Variants in TBC1D23 observed in about 807,000 individuals in gnomAD.
The protein encoded by TBC1D23 is HCV non-structural protein 4A-transactivated protein 1.
A neutral mutation model predicts 91.4 loss-of-function variants in TBC1D23; 55 were observed. That is an observed-to-expected ratio of 0.60 (90% CI 0.48 to 0.75). The LOEUF is 0.75. TBC1D23 is among the 30% of genes least tolerant of loss of function. The pLI, the probability that TBC1D23 is intolerant of heterozygous loss-of-function variation, is 0.00. For synonymous variants in TBC1D23, 289 were observed against 281.0 expected (o/e 1.03, Z -0.28); for missense variants, 725 against 836.1 (o/e 0.87, Z 1.64).
chr3:100,302,134 T>C lies in TBC1D23; in HGVS notation c.1160T>C (p.Ile387Thr). The C allele has an allele frequency of 6.2e-6, 10 of 1,614,044 alleles. No homozygotes were observed. The highest frequency in any genetic ancestry group is 1.1e-5 in the South Asian group (1 of 91,074). Residue 387 changes from isoleucine (I) to threonine (T), a missense_variant, in exon 11 of 19, where the codon ATT becomes ACT. Transcript: ENST00000394144. ...TTGCTGGAAGCACAGAAGCAGTCCATTGAGTCTGGCTCCATAGCTGGTGGG... is the reference window on the plus strand; with the variant it reads ...TTGCTGGAAGCACAGAAGCAGTCCACTGAGTCTGGCTCCATAGCTGGTGGG... ...KSLLEAQKQS[I>T]ESGSIAGGEH...
Position 100,297,952 on chromosome 3 carries a change from G to T in TBC1D23, c.906G>T (p.Leu302Phe), listed in dbSNP as rs1400777867. 6.2e-7 allele frequency: 1 copy of T among 1,611,502 alleles called. No homozygotes were observed. The change falls in exon 9 of 19, where the codon TTG becomes TTT. Residue 302 changes from leucine to phenylalanine, a missense_variant. Transcript: ENST00000394144. Reference protein sequence around the residue: ...KDNHHLFGSTLLGIKDDDADL... With the variant: ...KDNHHLFGSTFLGIKDDDADL... The stretch of plus-strand genomic sequence containing the variant: ...ATCACCATCTCTTTGGTAGTACTTT[G>T]TTGGGAATTAAGGATGATGATGCAG...
chr3:100,278,848 G>A (rs2067672209), intron 1 of TBC1D23, among the ~76,000 whole-genome samples: 1 of 152,144 alleles, frequency 6.6e-6, no homozygotes, highest in South Asian at 2.1e-4. Flanking sequence ...ACTTGATGAT[G>A]TGATATTATT....
intron 10 of TBC1D23, 83 bp downstream of exon 10, chr3:100,299,414 G>T: frequency 1.3e-6 from 1 of 763,072 alleles, no homozygotes; most frequent in South Asian, 2.0e-5. Flanking sequence ...CCCAGATTGG[G>T]GAATTTTTTT....
In TBC1D23 at chr3:100,302,051, T is replaced by A. The variant is rs1705443233; in HGVS notation, c.1093-16T>A. ...CACAGGCTTGTCAAGTTTTTAACTTTAAAAAAATTGTCTAGATGCTTCAGA... is the reference window on the plus strand; with the variant it reads ...CACAGGCTTGTCAAGTTTTTAACTTAAAAAAAATTGTCTAGATGCTTCAGA... On this transcript the variant is annotated splice_polypyrimidine_tract_variant and intron_variant, in intron 10 of 18. Coordinates refer to ENST00000394144, the MANE Select transcript of TBC1D23 (RefSeq NM_001199198.3). 6.4e-7 allele frequency: 1 copy of A among 1,574,446 alleles called. No individual in the cohort carries two copies. Among genetic ancestry groups the A allele is most frequent in the Non-Finnish European group, 8.6e-7 (1 of 1,166,146 alleles).
At chr3:100,298,644 A>C (rs1051592876) in intron 9 of TBC1D23, among the ~76,000 whole-genome samples, 17 of 152,266 alleles carry the variant, frequency 1.1e-4, no homozygotes, top group Middle Eastern at 3.4e-3. Flanking sequence ...TCTTAGTTGG[A>C]TTTCTTACTG....
At chr3:100,292,967 A>G (rs951028519) in intron 5 of TBC1D23, among the ~76,000 whole-genome samples, 1 of 152,132 alleles carries the variant, frequency 6.6e-6, no homozygotes, top group African/African-American at 2.4e-5. Context: ...TTAAGGTAGT[A>G]AACTATTTTT....
chr3:100,320,783 GT>G lies in TBC1D23; in HGVS notation c.1832del (p.Leu611TrpfsTer10). Reference sequence around the variant, plus strand: ...ATGCTTTTTTTGTCTCAAGTCATCTGTTGGTTACTGCAACACATATGTACTG... The same window carrying G: ...ATGCTTTTTTTGTCTCAAGTCATCTGTGGTTACTGCAACACATATGTACTG... ...ESGHMFPSHL[L>X]VTATHMYCLR... On this transcript the variant is annotated frameshift_variant, in exon 18 of 19. Transcript: ENST00000394144. LOFTEE classifies it high-confidence loss of function. 6.8e-7 allele frequency: 1 copy of G among 1,473,716 alleles called. No homozygotes were observed. The highest frequency in any genetic ancestry group is 2.4e-5 in the Admixed American group (1 of 41,576). 91.3% of individuals were successfully genotyped at this position (1,473,716 alleles called of 1,614,324 possible).
intron 16 of TBC1D23, 145 bp from the exon 17 acceptor site, chr3:100,318,924 A>AT (rs1705802379): frequency 4.1e-6 from 2 of 492,670 alleles, no homozygotes; most frequent in Non-Finnish European, 7.2e-6. Flanking sequence ...AAGTGCTGTG[A>AT]TTGCAGGCGT....
chr3:100,316,080 T>G lies in TBC1D23; in HGVS notation c.1599-19T>G. 2 of 1,587,758 alleles carry G rather than the reference T, an allele frequency of 1.3e-6. No homozygotes were observed. The highest frequency in any genetic ancestry group is 4.5e-5 in the East Asian group (2 of 44,752). On this transcript the variant is annotated intron_variant, in intron 15 of 18. Transcript: ENST00000394144. The stretch of plus-strand genomic sequence containing the variant: ...ACTTCTTAAGTGATTATTTCTCTCC[T>G]AAAATTCTTTGAATATAGGCATGTG...
chr3:100,301,379 G>A (rs1487663846), intron 10 of TBC1D23, among the ~76,000 whole-genome samples: 1 of 152,124 alleles, frequency 6.6e-6, no homozygotes, highest in Non-Finnish European at 1.5e-5. Context: ...TCTTACCAGA[G>A]TGATGAGTGA....
chr3:100,319,277 G>A lies in TBC1D23; in HGVS notation c.1823+73G>A, dbSNP rs1297477222. The A allele has an allele frequency of 4.1e-6, 5 of 1,234,100 alleles. No homozygotes were observed. The Admixed American group carries it at 1.1e-4, about 26-fold the overall frequency. 76.4% of individuals were successfully genotyped at this position (1,234,100 alleles called of 1,614,324 possible). On this transcript the variant is annotated intron_variant, in intron 17 of 18. Transcript: ENST00000394144. ...GTTAATAATACAAAACTGAACTACA[G>A]AAGAACCTTTATTTATCCTAGTACA...
intron 8 of TBC1D23, 36 bp downstream of exon 8, chr3:100,296,311 C>T (rs1405462597): frequency 2.6e-6 from 3 of 1,156,378 alleles, no homozygotes; most frequent in East Asian, 2.4e-5. Flanking sequence ...TGTTGTATTT[C>T]ATATTTTGTA....
At chr3:100,295,039 A>G in intron 5 of TBC1D23, 48 bp from the exon 6 acceptor site, 2 of 1,512,198 alleles carry the variant, frequency 1.3e-6, no homozygotes, top group Non-Finnish European at 1.8e-6. Flanking sequence ...TTAAGAGAAC[A>G]AGTCACCTCC....
At chr3:100,279,823 T>TG in intron 2 of TBC1D23, 63 bp downstream of exon 2, 1 of 1,028,060 alleles carries the variant, frequency 9.7e-7, no homozygotes, top group Admixed American at 2.4e-5. Context: ...AAAAGTTTGT[T>TG]GCTTCAGATG....
chr3:100,308,381 A>G (rs1705553874), intron 13 of TBC1D23, among the ~76,000 whole-genome samples: 1 of 152,060 alleles, frequency 6.6e-6, no homozygotes, highest in African/African-American at 2.4e-5. Context: ...AGGCTGAGGC[A>G]GGAGAATGGT....
At chr3:100,309,901 G>A (rs767425824) in intron 13 of TBC1D23, among the ~76,000 whole-genome samples, 2 of 152,092 alleles carry the variant, frequency 1.3e-5, no homozygotes, top group Non-Finnish European at 2.9e-5. Context: ...GAGCCACCGC[G>A]CCCAGCATCT....
rs1705924211 is a variant in TBC1D23, at chr3:100,324,901, C to A, written c.*1233C>A. 1 of 152,102 alleles carries A rather than the reference C, an allele frequency of 6.6e-6. No homozygotes were observed. Among genetic ancestry groups the A allele is most frequent in the Admixed American group, 6.5e-5 (1 of 15,272 alleles). 9.4% of individuals were successfully genotyped at this position (152,102 alleles called of 1,614,324 possible). A position where few individuals can be genotyped will look rare whatever the true frequency, so the allele number is the denominator to read the frequency against. ...TTGATGGGAGAAATATTTAGATGTA[C>A]CCTGTTAACAGCCAGTCATTTTGAT... On this transcript the variant is annotated 3_prime_UTR_variant, in exon 19 of 19. Coordinates refer to ENST00000394144, the MANE Select transcript of TBC1D23 (RefSeq NM_001199198.3).
At chr3:100,273,846 A>G (rs2067623325) in intron 1 of TBC1D23, among the ~76,000 whole-genome samples, 1 of 152,226 alleles carries the variant, frequency 6.6e-6, no homozygotes, top group Admixed American at 6.5e-5. Context: ...CCTTCTTTAC[A>G]CTATATACAA....
At chr3:100,293,362 T>C (rs2148860485) in intron 5 of TBC1D23, among the ~76,000 whole-genome samples, 1 of 152,020 alleles carries the variant, frequency 6.6e-6, no homozygotes, top group South Asian at 2.1e-4. Context: ...CTCGATCTCC[T>C]GACCTCGTGA....
Sources: allele counts gnomAD v4.1 joint callset (sites outside exome capture counted in the v4.1 genomes callset), GRCh38; gene constraint gnomAD v4.1.1; transcripts MANE v1.5; gene names NCBI Gene and HGNC (gene_info 2026-07-23, HGNC 2026-07-21).